The following VPS8 variants were observed in gnomAD, a reference collection of about 807,000 sequenced individuals.
VPS8 encodes VPS8 subunit of CORVET complex.
A neutral mutation model predicts 216.4 loss-of-function variants in VPS8; 129 were observed. That is an observed-to-expected ratio of 0.60 (90% CI 0.52 to 0.69). VPS8 has a LOEUF of 0.69. VPS8 is among the 30% of genes least tolerant of loss of function. The pLI is 0.00. For missense variants in VPS8, 1,531 were observed against 1,683.5 expected (o/e 0.91, Z 1.59); for synonymous variants, 571 against 565.4 (o/e 1.01, Z -0.14).
chr3:184,920,515 A>C (rs1738427154), intron 29 of VPS8, among the ~76,000 whole-genome samples: 1 of 152,202 alleles, frequency 6.6e-6, no homozygotes, highest in African/African-American at 2.4e-5. Flanking sequence ...TTGAGAAAAC[A>C]ATTAATATGG....
At chr3:184,926,511 G>A (rs1739678305) in intron 30 of VPS8, 83 bp from the exon 31 acceptor site, 2 of 1,394,086 alleles carry the variant, frequency 1.4e-6, no homozygotes, top group Non-Finnish European at 2.0e-6. Context: ...TTGGTTATTT[G>A]AAAGGGTAGT....
chr3:184,969,458 C>G (rs1385541355), intron 39 of VPS8, among the ~76,000 whole-genome samples: 1 of 92,722 alleles, frequency 1.1e-5, no homozygotes, highest in Non-Finnish European at 1.9e-5. Context: ...TTGAGATAGT[C>G]TTGCTCTGTT....
intron 22 of VPS8, among the ~76,000 whole-genome samples, chr3:184,894,345 A>G (rs1178335180): frequency 6.6e-6 from 1 of 152,078 alleles, no homozygotes; most frequent in African/African-American, 2.4e-5. Flanking sequence ...ATGCCACAAT[A>G]GACTGAGCAC....
At chr3:184,841,910 A>C (rs964068858) in intron 7 of VPS8, among the ~76,000 whole-genome samples, 4 of 152,162 alleles carry the variant, frequency 2.6e-5, no homozygotes, top group African/African-American at 9.7e-5. Context: ...ATCCTGAGAG[A>C]AAAGGAGGCA....
chr3:185,041,433 C>G (rs1711596994), intron 46 of VPS8, among the ~76,000 whole-genome samples: 1 of 151,976 alleles, frequency 6.6e-6, no homozygotes, highest in Non-Finnish European at 1.5e-5. Flanking sequence ...GCCAGTAGTT[C>G]TCTATACTAT....
chr3:185,047,272 G>C (rs146035220), intron 46 of VPS8, among the ~76,000 whole-genome samples: 2 of 152,166 alleles, frequency 1.3e-5, no homozygotes, highest in Non-Finnish European at 2.9e-5. Flanking sequence ...GCAGAGTCCC[G>C]TGCATCTGCT....
chr3:184,824,806 C>G (rs1202836151), intron 2 of VPS8, 21 bp downstream of exon 2: 5 of 1,581,520 alleles, frequency 3.2e-6, no homozygotes, highest in Non-Finnish European at 4.3e-6. Context: ...CAATTTCTGT[C>G]AAGTGATAAT....
rs369604649 is a variant in VPS8, at chr3:184,843,143, T to C, written c.536-97T>C. ...ACAGATAACTAAAGCTTGTCACTTA[T>C]ATTCTTGAAATTTTTTACCTGCCTT... On this transcript the variant is annotated intron_variant, in intron 7 of 47. Coordinates refer to ENST00000625842, the MANE Select transcript of VPS8 (RefSeq NM_001009921.3). 35 of 868,528 alleles carry C rather than the reference T, an allele frequency of 4.0e-5. No homozygotes were observed. In the South Asian group the frequency reaches 6.1e-4, roughly 15 times the overall value. The allele number at this position is 868,528 out of a possible 1,614,324, so 53.8% of individuals were successfully genotyped here. A position where few individuals can be genotyped will look rare whatever the true frequency, so the allele number is the denominator to read the frequency against.
At chr3:184,893,004 G>A (rs575324780) in intron 22 of VPS8, among the ~76,000 whole-genome samples, 4 of 151,952 alleles carry the variant, frequency 2.6e-5, no homozygotes, top group South Asian at 2.1e-4. Context: ...GCTAGTAATC[G>A]GTCATCACAA....
At chr3:184,965,089 C>CT (rs1282156415) in intron 38 of VPS8, among the ~76,000 whole-genome samples, 1 of 152,188 alleles carries the variant, frequency 6.6e-6, no homozygotes, top group Non-Finnish European at 1.5e-5. Flanking sequence ...CGCATTCTTG[C>CT]TAACACTTTC....
At chr3:184,978,620 GA>G in intron 40 of VPS8, among the ~76,000 whole-genome samples, 1 of 152,078 alleles carries the variant, frequency 6.6e-6, no homozygotes. Flanking sequence ...GGCTTGTCTC[GA>G]ACTCCTGGAC....
intron 39 of VPS8, among the ~76,000 whole-genome samples, chr3:184,969,367 C>T (rs1243109142): frequency 2.0e-5 from 3 of 149,552 alleles, no homozygotes; most frequent in South Asian, 2.1e-4. Flanking sequence ...CTGCCTGCCT[C>T]GGCCTCCCAA....
In VPS8 at chr3:184,824,713, C is replaced by A. The variant is rs368981400; in HGVS notation, c.81C>A (p.Phe27Leu). The A allele has an allele frequency of 1.1e-5, 18 of 1,613,704 alleles. No homozygotes were observed. The African/African-American group carries it at 2.3e-4, about 20-fold the overall frequency. ...GCGAAGAAGAGCTGAATAAGTCTTT[C>A]AATCTAGAAGCTTCACTTTCAAAAT... is the stretch of plus-strand genomic sequence containing the variant. ...KTSEEELNKS[F>L]NLEASLSKFS... Residue 27 changes from phenylalanine (F) to leucine (L), a missense_variant, in exon 2 of 48, where the codon TTC becomes TTA. Coordinates refer to ENST00000625842, the MANE Select transcript of VPS8 (RefSeq NM_001009921.3).
chr3:184,857,664 C>T (rs76059280), intron 14 of VPS8, among the ~76,000 whole-genome samples: 3,070 of 152,256 alleles, frequency 0.02, 56 homozygotes, highest in Non-Finnish European at 0.031. Flanking sequence ...ACTTTAATCC[C>T]GTCTTTATGA....
In VPS8 at chr3:184,855,801, G is replaced by A. The variant is rs1395911791; in HGVS notation, c.1126G>A (p.Val376Ile). 1 of 1,612,906 alleles carries A rather than the reference G, an allele frequency of 6.2e-7. No homozygotes were observed. Among genetic ancestry groups the A allele is most frequent in the Non-Finnish European group, 8.5e-7 (1 of 1,179,498 alleles). The change falls in exon 14 of 48, where the codon GTT becomes ATT. Residue 376 changes from valine (V) to isoleucine (I), a missense_variant. Val to Ile is a conservative substitution (Grantham distance 29). Around this residue, in one of 3 missense-constraint regions of VPS8, gnomAD observed 1,318 missense variants for 1,468.4 expected, o/e 0.90. Coordinates refer to ENST00000625842, the MANE Select transcript of VPS8 (RefSeq NM_001009921.3). Reference sequence around the variant, plus strand: ...CATGCTTGCCTTCTGCAGAGGAGATGTTGTTCATTTTCTATTGGTAAGTCC... The same window carrying A: ...CATGCTTGCCTTCTGCAGAGGAGATATTGTTCATTTTCTATTGGTAAGTCC... Reference protein sequence around the residue: ...NPMLAFCRGDVVHFLLVKRDE... With the variant: ...NPMLAFCRGDIVHFLLVKRDE...
rs1740483083 is a variant in VPS8 at position 184,930,500 on chromosome 3, T to A, written c.2830T>A (p.Leu944Ile). ...EEVFNYIHNI[L>I]SIPGHSAEEK... ...AGTCTTTAATTACATTCACAATATC[T>A]TATCCATTCCCGGACACAGTGCAGA... is the stretch of plus-strand genomic sequence containing the variant. Residue 944 changes from leucine (L) to isoleucine (I), a missense_variant, in exon 34 of 48, where the codon TTA becomes ATA. This residue lies in a region of VPS8 where 1,318 missense variants were observed against 1,468.4 expected (regional missense o/e 0.90). Transcript: ENST00000625842. 2 of 1,613,154 alleles carry A rather than the reference T, an allele frequency of 1.2e-6. No homozygotes were observed. Among genetic ancestry groups the A allele is most frequent in the Admixed American group, 1.7e-5 (1 of 59,986 alleles).
chr3:184,853,900 A>G lies in VPS8; in HGVS notation c.865A>G (p.Ser289Gly). Residue 289 changes from serine (S) to glycine (G), a missense_variant, in exon 12 of 48, where the codon AGT (serine) becomes GGT (glycine). By Grantham distance (56) the Ser-to-Gly change is moderately conservative. Coordinates refer to ENST00000625842, the MANE Select transcript of VPS8 (RefSeq NM_001009921.3). Reference protein sequence around the residue: ...VRTCESRCLFSGSKGEVCCIE... With the variant: ...VRTCESRCLFGGSKGEVCCIE... The stretch of plus-strand genomic sequence containing the variant: ...AACCTGTGAATCTAGATGTCTGTTC[A>G]GTGGTTCCAAGGGTGAAGTCTGCTG... The G allele has an allele frequency of 6.2e-7, 1 of 1,602,910 alleles. No individual in the cohort carries two copies. The highest frequency in any genetic ancestry group is 8.5e-7 in the Non-Finnish European group (1 of 1,174,340).
chr3:184,944,708 G>GA (rs1743363478), intron 36 of VPS8: 1 of 459,296 alleles, frequency 2.2e-6, no homozygotes, highest in Non-Finnish European at 2.9e-6. Context: ...TTTCCTGTAG[G>GA]AAAAAAACAC....
At chr3:184,952,799 C>T (rs994739339) in intron 36 of VPS8, among the ~76,000 whole-genome samples, 1 of 152,138 alleles carries the variant, frequency 6.6e-6, no homozygotes, top group East Asian at 1.9e-4. Context: ...CTCTGCCATT[C>T]GGCAAAACAG....
Sources: allele counts gnomAD v4.1 joint callset (sites outside exome capture counted in the v4.1 genomes callset), GRCh38; gene constraint gnomAD v4.1.1; regional missense constraint gnomAD v4.1.1; transcripts MANE v1.5; gene names NCBI Gene and HGNC (gene_info 2026-07-23, HGNC 2026-07-21).